Variants in ITPR2 observed in about 807,000 individuals in gnomAD.
ITPR2 encodes inositol 1,4,5-trisphosphate receptor type 2.
Under a neutral mutation model 317.1 loss-of-function variants are expected in ITPR2, and 207 were observed. That is an observed-to-expected ratio of 0.65 (90% CI 0.58 to 0.73). ITPR2 has a LOEUF of 0.73. ITPR2 is among the 30% of genes least tolerant of loss of function. The pLI is 0.00. For missense variants in ITPR2, 2,613 were observed against 3,284.0 expected, an observed-to-expected ratio of 0.80 and a Z score of 4.99; for synonymous variants, 1,156 against 1,149.1, an observed-to-expected ratio of 1.01 and a Z score of -0.12.
At chr12:26,465,371 G>A (rs1472113671) in intron 45 of ITPR2, among the ~76,000 whole-genome samples, 1 of 152,194 alleles carries the variant, frequency 6.6e-6, no homozygotes, top group Admixed American at 6.5e-5. Flanking sequence ...GGTTTAGGTG[G>A]AACGGTGAAA....
At chr12:26,622,491 G>C (rs1044608834) in intron 24 of ITPR2, 86 bp from the exon 25 acceptor site, 17 of 1,046,532 alleles carry the variant, frequency 1.6e-5, no homozygotes, top group Non-Finnish European at 2.2e-5. Flanking sequence ...TATTCTCAGA[G>C]GTATATCATT....
In ITPR2 at chr12:26,831,773, C is replaced by A. The variant is rs58832533; in HGVS notation, c.92+917G>T. Among the ~76,000 whole-genome samples the A allele has an allele frequency of 0.029, 2,137 of 73,936 alleles. 84 individuals are homozygous for A. The highest frequency in any genetic ancestry group is 0.041 in the East Asian group (103 of 2,534). The allele number at this position is 73,936 out of a possible 152,430, so 48.5% of individuals were successfully genotyped here. A position where few individuals can be genotyped will look rare whatever the true frequency, so the allele number is the denominator to read the frequency against. On this transcript the variant is annotated intron_variant, in intron 1 of 56. Coordinates refer to ENST00000381340, the MANE Select transcript of ITPR2 (RefSeq NM_002223.4). The surrounding 1 kb of genome is among the most constrained non-coding windows in gnomAD (Gnocchi z 4.9). ...TACATAAAATATATAAATATATATT[C>A]TACATAAAATATATAAATATATATT... is the stretch of plus-strand genomic sequence containing the variant.
At chr12:26,408,866 T>C (rs1486822144) in intron 52 of ITPR2, among the ~76,000 whole-genome samples, 4 of 152,146 alleles carry the variant, frequency 2.6e-5, no homozygotes, top group African/African-American at 9.7e-5. Flanking sequence ...CAATAAAATA[T>C]TTGTGTTAAT....
intron 52 of ITPR2, among the ~76,000 whole-genome samples, chr12:26,406,868 C>A (rs146712634): frequency 1.9e-3 from 284 of 152,274 alleles, no homozygotes; most frequent in African/African-American, 6.7e-3. Context: ...TTATCACTTA[C>A]AATGTCAAAT....
intron 37 of ITPR2, among the ~76,000 whole-genome samples, chr12:26,506,123 CT>C (rs1565567271): frequency 6.6e-6 from 1 of 151,540 alleles, no homozygotes; most frequent in African/African-American, 2.4e-5. Context: ...AATCCCAGCA[CT>C]TTAGGAGGCC....
rs1341684538 is a variant in ITPR2, at chr12:26,335,512, C to G, written c.*3885G>C. 6.6e-6 allele frequency among the ~76,000 whole-genome samples: 1 copy of G among 152,096 alleles called. No individual in the cohort carries two copies. The highest frequency in any genetic ancestry group is 1.5e-5 in the Non-Finnish European group (1 of 68,022). On this transcript the variant is annotated 3_prime_UTR_variant, in exon 57 of 57. Coordinates refer to ENST00000381340, the MANE Select transcript of ITPR2 (RefSeq NM_002223.4). Reference sequence around the variant, plus strand: ...TGGTGTGATAATTTCATAAATTATTCAAGTCTGTGGAAACACTCCAGTTCA... The same window carrying G: ...TGGTGTGATAATTTCATAAATTATTGAAGTCTGTGGAAACACTCCAGTTCA...
intron 34 of ITPR2, among the ~76,000 whole-genome samples, chr12:26,565,573 T>C (rs1023007388): frequency 2.0e-5 from 3 of 151,674 alleles, no homozygotes; most frequent in Non-Finnish European, 4.4e-5. Flanking sequence ...CTTCATATAA[T>C]GAAAGGAAAG....
At chr12:26,354,773 A>T (rs1247612125) in intron 55 of ITPR2, among the ~76,000 whole-genome samples, 3 of 152,034 alleles carry the variant, frequency 2.0e-5, no homozygotes, top group African/African-American at 4.8e-5. Context: ...GGTTCAAGTG[A>T]TTCTCCTGCC....
chr12:26,786,454 A>T (rs867049385), intron 2 of ITPR2, among the ~76,000 whole-genome samples: 1,685 of 145,020 alleles, frequency 0.012, 39 homozygotes, highest in African/African-American at 0.033. Context: ...ATCAATAAAA[A>T]AAAAAAAAAA....
intron 37 of ITPR2, among the ~76,000 whole-genome samples, chr12:26,496,810 G>A (rs1445371148): frequency 2.0e-5 from 3 of 151,764 alleles, no homozygotes; most frequent in Non-Finnish European, 4.4e-5. Flanking sequence ...CAGGCGTGGT[G>A]GTGGGCGCCT....
At chr12:26,674,232 C>T (rs61922686) in intron 13 of ITPR2, among the ~76,000 whole-genome samples, 5 of 147,974 alleles carry the variant, frequency 3.4e-5, no homozygotes, top group African/African-American at 1.0e-4. Context: ...GAGCCTGCAT[C>T]GCCAAGTCAA....
intron 26 of ITPR2, among the ~76,000 whole-genome samples, chr12:26,608,483 G>C (rs148201527): frequency 8.4e-5 from 11 of 131,696 alleles, no homozygotes; most frequent in Non-Finnish European, 1.9e-4. Context: ...CCTCTGCCTG[G>C]CCGCCCCACA....
At chr12:26,550,146 A>T in intron 37 of ITPR2, 101 bp downstream of exon 37, 1 of 553,494 alleles carries the variant, frequency 1.8e-6, no homozygotes, top group Non-Finnish European at 3.1e-6. Context: ...TCATTAAGAT[A>T]TAATGCAAGT....
rs1236541118 is a variant in ITPR2 at position 26,832,809 on chromosome 12, CCT to C, written c.-30_-29del. On this transcript the variant is annotated 5_prime_UTR_variant, in exon 1 of 57. Coordinates refer to ENST00000381340, the MANE Select transcript of ITPR2 (RefSeq NM_002223.4). Reference sequence around the variant, plus strand: ...TGCTTCATGTTCCACAGTGGACGTCCCTCTTCTTCCCTGCGCCCTCGCCGCCC... The same window carrying C: ...TGCTTCATGTTCCACAGTGGACGTCCCTTCTTCCCTGCGCCCTCGCCGCCC... 2 of 1,532,802 alleles carry C rather than the reference CCT, an allele frequency of 1.3e-6. No homozygotes were observed. Among genetic ancestry groups the C allele is most frequent in the Non-Finnish European group, 9.0e-7 (1 of 1,114,406 alleles). 95.0% of individuals were successfully genotyped at this position (1,532,802 alleles called of 1,614,324 possible). A position where few individuals can be genotyped will look rare whatever the true frequency, so the allele number is the denominator to read the frequency against.
intron 39 of ITPR2, among the ~76,000 whole-genome samples, chr12:26,493,417 A>G (rs1400569295): frequency 6.6e-6 from 1 of 152,202 alleles, no homozygotes; most frequent in Non-Finnish European, 1.5e-5. Flanking sequence ...TTCTTTACTG[A>G]CCAAGGCAAA....
intron 50 of ITPR2, 71 bp downstream of exon 50, chr12:26,418,978 G>A: frequency 7.7e-7 from 1 of 1,295,524 alleles, no homozygotes; most frequent in Non-Finnish European, 1.0e-6. Context: ...AAAAATCAAA[G>A]GAAGAGGCAT....
intron 11 of ITPR2, among the ~76,000 whole-genome samples, chr12:26,684,106 T>C (rs1263313866): frequency 6.6e-6 from 1 of 152,244 alleles, no homozygotes; most frequent in Non-Finnish European, 1.5e-5. Flanking sequence ...CTCCAATCTT[T>C]GTTCAAATAA....
At chr12:26,444,649 G>T (rs1485873808) in intron 45 of ITPR2, among the ~76,000 whole-genome samples, 1 of 152,094 alleles carries the variant, frequency 6.6e-6, no homozygotes, top group African/African-American at 2.4e-5. Context: ...CTAGAAAATG[G>T]TAGAGCCAGT....
intron 22 of ITPR2, among the ~76,000 whole-genome samples, chr12:26,629,734 C>CTT (rs1287881449): frequency 2.6e-5 from 4 of 152,072 alleles, no homozygotes; most frequent in Admixed American, 2.6e-4. Flanking sequence ...CTCTCTTTCT[C>CTT]TTTCTCTTTT....
Sources: allele counts gnomAD v4.1 joint callset (sites outside exome capture counted in the v4.1 genomes callset), GRCh38; gene constraint gnomAD v4.1.1; non-coding constraint Gnocchi (gnomAD v3.1); transcripts MANE v1.5; gene names NCBI Gene and HGNC (gene_info 2026-07-23, HGNC 2026-07-21).